C3orf22: variants seen among roughly 807,000 people sequenced by gnomAD.
C3orf22 encodes the protein uncharacterized protein C3orf22.
Under a neutral mutation model 10.8 loss-of-function variants are expected in C3orf22, and 7 were observed. The observed-to-expected ratio is 0.65, with a 90% confidence interval of 0.37 to 1.22. The LOEUF (loss-of-function observed/expected upper bound fraction) is 1.22. Among genes scored for constraint, C3orf22 ranks in the 50% most tolerant of loss-of-function variants. C3orf22 has a pLI of 0.02. For missense variants in C3orf22, 173 were observed against 177.0 expected (o/e 0.98, Z 0.13); for synonymous variants, 79 against 78.9 (o/e 1.00, Z 0.00).
intron 4 of C3orf22, chr3:126,542,587 G>T: frequency 6.8e-7 from 1 of 1,466,862 alleles, no homozygotes; most frequent in East Asian, 2.7e-5. Context: ...AGCGGTCCTG[G>T]AGGTCCTGTG....
chr3:126,531,675 TG>T (rs1936663196), intron 4 of C3orf22, among the ~76,000 whole-genome samples: 1 of 152,236 alleles, frequency 6.6e-6, no homozygotes, highest in Non-Finnish European at 1.5e-5. Flanking sequence ...TAATAGCCCA[TG>T]TTATGGATAT....
chr3:126,542,320 G>A, intron 4 of C3orf22: 1 of 1,568,894 alleles, frequency 6.4e-7, no homozygotes, highest in Non-Finnish European at 8.6e-7. Flanking sequence ...TCTGCCACCC[G>A]TGTCGCCTCC....
chr3:126,554,500 G>T (rs1937280724), intron 1 of C3orf22, among the ~76,000 whole-genome samples: 1 of 152,120 alleles, frequency 6.6e-6, no homozygotes, highest in Admixed American at 6.6e-5. Context: ...CTGACCTCAG[G>T]TGATCCATCC....
chr3:126,543,162 C>G (rs1221165362), intron 4 of C3orf22: 1 of 151,046 alleles, frequency 6.6e-6, no homozygotes, highest in Non-Finnish European at 1.5e-5. Flanking sequence ...CGGTCTCAGT[C>G]TGGCAAGACG....
chr3:126,549,252 C>T (rs77442139), downstream of C3orf22, among the ~76,000 whole-genome samples: 1 of 127,100 alleles, frequency 7.9e-6, no homozygotes, highest in African/African-American at 3.1e-5. Context: ...CTCATCCACG[C>T]CCCCCCCCCC....
intron 4 of C3orf22, chr3:126,542,629 C>T (rs1936993027): frequency 2.8e-6 from 4 of 1,419,816 alleles, no homozygotes; most frequent in Non-Finnish European, 2.8e-6. Flanking sequence ...TCCGACAAGA[C>T]CCCCGGGGAA....
At chr3:126,553,547 G>A in intron 1 of C3orf22, 117 bp from the exon 2 acceptor site, 1 of 678,200 alleles carries the variant, frequency 1.5e-6, no homozygotes, top group Non-Finnish European at 2.6e-6. Context: ...CTGCATCACT[G>A]CCCTGTGCAT....
downstream of C3orf22, among the ~76,000 whole-genome samples, chr3:126,549,258 C>CA (rs1376840899): frequency 3.4e-5 from 5 of 146,338 alleles, no homozygotes; most frequent in Non-Finnish European, 6.0e-5. Context: ...CACGCCCCCC[C>CA]CCCCACACAC....
downstream of C3orf22, among the ~76,000 whole-genome samples, chr3:126,545,883 G>C (rs1289865729): frequency 6.6e-6 from 1 of 152,204 alleles, no homozygotes; most frequent in African/African-American, 2.4e-5. Flanking sequence ...GCCACTTGGA[G>C]CCCAGGACCC....
intron 4 of C3orf22, among the ~76,000 whole-genome samples, chr3:126,541,499 G>A (rs1936955340): frequency 1.3e-5 from 2 of 152,160 alleles, no homozygotes; most frequent in Admixed American, 6.5e-5. Flanking sequence ...TACCCAGCGC[G>A]TCCTTCTCCC....
chr3:126,529,260 T>G, exon 5 of C3orf22: 1 of 1,216,342 alleles, frequency 8.2e-7, no homozygotes, highest in South Asian at 1.3e-5. Context: ...CCTTGCAACA[T>G]GACGTGTGCG....
chr3:126,535,525 GAC>G (rs140150989), intron 4 of C3orf22, among the ~76,000 whole-genome samples: 12,455 of 143,348 alleles, frequency 0.087, 1,056 homozygotes, highest in African/African-American at 0.2. Context: ...TCAGCCGGGA[GAC>G]ACACAGACAG....
intron 4 of C3orf22, chr3:126,541,695 C>T (rs1394772057): frequency 7.1e-7 from 1 of 1,410,290 alleles, no homozygotes; most frequent in East Asian, 2.8e-5. Flanking sequence ...CCGCGCTGCC[C>T]TGACGCGTCC....
intron 4 of C3orf22, among the ~76,000 whole-genome samples, chr3:126,544,476 G>T (rs1428032306): frequency 6.6e-6 from 1 of 152,254 alleles, no homozygotes; most frequent in Admixed American, 6.5e-5. Context: ...GAAGGATGGG[G>T]CCTTGGCCAC....
downstream of C3orf22, among the ~76,000 whole-genome samples, chr3:126,549,117 T>A (rs575544245): frequency 5.2e-4 from 79 of 152,308 alleles, 2 homozygotes; most frequent in Admixed American, 3.3e-4. Flanking sequence ...ACATTACTGA[T>A]GTTGTAATAC....
chr3:126,549,880 C>A lies in C3orf22; in HGVS notation c.414G>T (p.Arg138Ser). 1 of 1,613,020 alleles carries A rather than the reference C, an allele frequency of 6.2e-7. No homozygotes were observed. The highest frequency in any genetic ancestry group is 8.5e-7 in the Non-Finnish European group (1 of 1,179,550). The change falls in exon 4 of 4, where the codon AGG becomes AGT. Residue 138 changes from arginine (R) to serine (S), a missense_variant. By Grantham distance (110) the Arg-to-Ser change is moderately radical. Coordinates refer to ENST00000318225, the MANE Select transcript of C3orf22 (RefSeq NM_152533.3). ...CAGAGCCCAGTCTCTAGGAGAGGCC[C>A]CTGGACAGCCCTGCCGCCTTGCTGG... ...PQTSKAAGLS[R>S]GLS
chr3:126,549,627 TACA>T (rs1173664838), downstream of C3orf22: 4 of 1,467,444 alleles, frequency 2.7e-6, no homozygotes, highest in Non-Finnish European at 3.6e-6. Flanking sequence ...TAAACATTAT[TACA>T]ACAATTTTAG....
chr3:126,552,167 CT>C, intron 2 of C3orf22, 45 bp from the exon 3 acceptor site: 2 of 1,611,688 alleles, frequency 1.2e-6, no homozygotes, highest in Non-Finnish European at 1.7e-6. Context: ...ATCCACCAGC[CT>C]CCTGAAGTAA....
At chr3:126,538,043 C>T (rs954272582) in intron 4 of C3orf22, among the ~76,000 whole-genome samples, 4 of 152,228 alleles carry the variant, frequency 2.6e-5, no homozygotes, top group Non-Finnish European at 4.4e-5. Context: ...GTTGGAGCCC[C>T]GGCTTCCCCA....
Sources: gnomAD v4.1 joint callset for allele counts (sites outside exome capture counted in the v4.1 genomes callset) on GRCh38, gnomAD v4.1.1 for gene constraint, MANE v1.5 for transcripts, NCBI Gene and HGNC (gene_info 2026-07-23, HGNC 2026-07-21) for gene names.